GNAS-AS1: variants seen among roughly 807,000 people sequenced by gnomAD.
GNAS-AS1 encodes GNAS antisense RNA 1 (non-protein coding).
At chr20:58,826,584 T>A (rs909033596) in intron 4 of GNAS-AS1, among the ~76,000 whole-genome samples, 1 of 152,190 alleles carries the variant, frequency 6.6e-6, no homozygotes, top group African/African-American at 2.4e-5. Flanking sequence ...AGAGGGGACC[T>A]GGGTTTAAAA....
At chr20:58,835,440 G>A (rs562067423) in intron 4 of GNAS-AS1, among the ~76,000 whole-genome samples, 8 of 152,180 alleles carry the variant, frequency 5.3e-5, no homozygotes, top group South Asian at 4.2e-4. Context: ...CTTTGCACAC[G>A]GTAGACACAT....
At chr20:58,820,579 C>G (rs1006027378) in intron 4 of GNAS-AS1, among the ~76,000 whole-genome samples, 2 of 152,222 alleles carry the variant, frequency 1.3e-5, no homozygotes, top group African/African-American at 4.8e-5. Flanking sequence ...TGTATTAGTC[C>G]GTTTTCACAC....
intron 2 of GNAS-AS1, among the ~76,000 whole-genome samples, chr20:58,848,455 C>T (rs2086024951): frequency 6.6e-6 from 1 of 152,208 alleles, no homozygotes; most frequent in Non-Finnish European, 1.5e-5. Context: ...AGTCCTATCA[C>T]ATATTTATCT....
At chr20:58,826,331 C>T (rs2085520138) in intron 4 of GNAS-AS1, among the ~76,000 whole-genome samples, 1 of 152,172 alleles carries the variant, frequency 6.6e-6, no homozygotes, top group South Asian at 2.1e-4. Context: ...TGCTCTGCTG[C>T]CCCTGTCATC....
chr20:58,845,066 C>T (rs1228745315), intron 2 of GNAS-AS1, among the ~76,000 whole-genome samples: 1 of 152,086 alleles, frequency 6.6e-6, no homozygotes, highest in Non-Finnish European at 1.5e-5. Flanking sequence ...CCTTCTGTCC[C>T]TGACCTTGGT....
intron 4 of GNAS-AS1, among the ~76,000 whole-genome samples, chr20:58,824,525 T>C (rs958681902): frequency 6.6e-6 from 1 of 152,192 alleles, no homozygotes; most frequent in Non-Finnish European, 1.5e-5. Flanking sequence ...CCTGGGTTGG[T>C]TTCAGCTGTC....
intron 1 of GNAS-AS1, among the ~76,000 whole-genome samples, chr20:58,850,142 CTAT>C (rs1307656447): frequency 6.6e-6 from 1 of 152,182 alleles, no homozygotes; most frequent in African/African-American, 2.4e-5. Context: ...CTACCACCTT[CTAT>C]TCATAGCCAA....
At chr20:58,821,692 G>A (rs2085488323) in intron 4 of GNAS-AS1, among the ~76,000 whole-genome samples, 1 of 152,158 alleles carries the variant, frequency 6.6e-6, no homozygotes, top group Non-Finnish European at 1.5e-5. Flanking sequence ...AAGATGAGGG[G>A]ATCTTCTGAG....
chr20:58,826,982 G>A (rs1451449484), intron 4 of GNAS-AS1: 2 of 150,778 alleles, frequency 1.3e-5, no homozygotes, highest in Non-Finnish European at 2.9e-5. Context: ...AAAGTGCTGG[G>A]ATTACAGGTG....
intron 2 of GNAS-AS1, among the ~76,000 whole-genome samples, chr20:58,847,935 A>T (rs931551019): frequency 1.3e-5 from 2 of 152,212 alleles, no homozygotes; most frequent in Non-Finnish European, 2.9e-5. Flanking sequence ...GCATCAATAG[A>T]GAGGTGAGAC....
At chr20:58,824,608 A>G (rs1210814705) in intron 4 of GNAS-AS1, among the ~76,000 whole-genome samples, 1 of 152,190 alleles carries the variant, frequency 6.6e-6, no homozygotes, top group Non-Finnish European at 1.5e-5. Context: ...ACTATCATTC[A>G]ACCCCTGTGA....
chr20:58,840,375 A>C lies in GNAS-AS1; in HGVS notation n.819+1562T>G. On this transcript the variant is annotated intron_variant and non_coding_transcript_variant, in intron 4 of 4. Transcript: ENST00000424094. This position sits in a 1 kb window ranked among gnomAD's most constrained non-coding sequence, Gnocchi z 6.0. ...TCGGAATCTGACCACGAGCACGAGG[A>C]GGCAGACCTTGAGCTGTCCCTCCCC... 1.2e-6 allele frequency: 2 copies of C among 1,613,384 alleles called. No individual in the cohort carries two copies. The highest frequency in any genetic ancestry group is 1.7e-6 in the Non-Finnish European group (2 of 1,180,006).
intron 4 of GNAS-AS1, chr20:58,819,285 CAA>C (rs961016866): frequency 2.5e-5 from 10 of 398,396 alleles, no homozygotes; most frequent in African/African-American, 1.4e-4. Context: ...GGAATAAAAA[CAA>C]AGAGAAAAAC....
chr20:58,819,860 C>A (rs770347858), intron 4 of GNAS-AS1, among the ~76,000 whole-genome samples: 1 of 152,250 alleles, frequency 6.6e-6, no homozygotes, highest in Non-Finnish European at 1.5e-5. Flanking sequence ...CAGACCCACA[C>A]AGGTGACCAC....
chr20:58,830,518 A>ACCG (rs1274514952), intron 4 of GNAS-AS1, among the ~76,000 whole-genome samples: 1 of 55,056 alleles, frequency 1.8e-5, no homozygotes, highest in Non-Finnish European at 3.5e-5. Context: ...CATCATCACC[A>ACCG]CCACACCACC....
chr20:58,840,124 G>A lies in GNAS-AS1; in HGVS notation n.819+1813C>T, dbSNP rs2085661287. On this transcript the variant is annotated intron_variant and non_coding_transcript_variant, in intron 4 of 4. Coordinates refer to ENST00000424094, the Ensembl canonical transcript of GNAS-AS1. The surrounding 1 kb of genome is among the most constrained non-coding windows in gnomAD (Gnocchi z 6.0). ...CTAAGAGGATGGATCGGAGGTCCCG[G>A]GCTCAGCAGTGGCGCCGAGCTCGCC... is the stretch of plus-strand genomic sequence containing the variant. The A allele has an allele frequency of 1.2e-6, 2 of 1,611,440 alleles. No homozygotes were observed. The highest frequency in any genetic ancestry group is 1.7e-5 in the Admixed American group (1 of 60,026).
rs373908908 is a variant in GNAS-AS1 at position 58,841,124 on chromosome 20, C to G, written n.819+813G>C. ...ACGGCGGGGCGCACGCCGTGCGTCC[C>G]GCTGGAGACAACCTGAGGTCTCCGA... On this transcript the variant is annotated intron_variant and non_coding_transcript_variant, in intron 4 of 4. Coordinates refer to ENST00000424094, the Ensembl canonical transcript of GNAS-AS1. This position sits in a 1 kb window ranked among gnomAD's most constrained non-coding sequence, Gnocchi z 5.0. 2.6e-4 allele frequency among the ~76,000 whole-genome samples: 39 copies of G among 152,202 alleles called. No individual in the cohort carries two copies. The highest frequency in any genetic ancestry group is 9.4e-4 in the African/African-American group (39 of 41,550).
Position 58,840,807 on chromosome 20 carries a change from C to T in GNAS-AS1, n.819+1130G>A, listed in dbSNP as rs761327919. ...CGCCGTGACGCGTCCCCGGAGTCCCCTTCCAAAAAGGGACCCATCCCCATC... is the reference window on the plus strand; with the variant it reads ...CGCCGTGACGCGTCCCCGGAGTCCCTTTCCAAAAAGGGACCCATCCCCATC... On this transcript the variant is annotated intron_variant and non_coding_transcript_variant, in intron 4 of 4. Coordinates refer to ENST00000424094, the Ensembl canonical transcript of GNAS-AS1. The surrounding 1 kb of genome is among the most constrained non-coding windows in gnomAD (Gnocchi z 6.0). The T allele has an allele frequency of 2.9e-5, 46 of 1,612,548 alleles. No homozygotes were observed. Among genetic ancestry groups the T allele is most frequent in the Admixed American group, 6.7e-5 (4 of 60,008 alleles).
chr20:58,819,569 G>T (rs2145448146), intron 4 of GNAS-AS1, among the ~76,000 whole-genome samples: 1 of 152,298 alleles, frequency 6.6e-6, no homozygotes, highest in South Asian at 2.1e-4. Context: ...CAAGGCCTTT[G>T]TGTCTGATCT....
Sources: allele counts gnomAD v4.1 joint callset (sites outside exome capture counted in the v4.1 genomes callset), GRCh38; gene constraint gnomAD v4.1.1; non-coding constraint Gnocchi (gnomAD v3.1); transcripts MANE v1.5; gene names NCBI Gene and HGNC (gene_info 2026-07-23, HGNC 2026-07-21).